The following RC3H1 variants were observed in gnomAD, a reference collection of about 807,000 sequenced individuals.
RC3H1 encodes roquin-1.
Under a neutral mutation model 138.2 loss-of-function variants are expected in RC3H1, and 50 were observed. The ratio of observed to expected loss-of-function variants is 0.36; its 90% CI spans 0.29 to 0.46. The LOEUF (loss-of-function observed/expected upper bound fraction) is 0.46. RC3H1 is among the 20% of genes least tolerant of loss of function. RC3H1 has a pLI of 1.00. For synonymous variants in RC3H1, 462 were observed against 489.1 expected (o/e 0.94, Z 0.73); for missense variants, 1,031 against 1,388.1 (o/e 0.74, Z 4.09).
chr1:173,972,122 G>C (rs1660383112), intron 8 of RC3H1, among the ~76,000 whole-genome samples: 1 of 152,102 alleles, frequency 6.6e-6, no homozygotes, highest in South Asian at 2.1e-4. Flanking sequence ...GAAAGACACA[G>C]TATTAGCACT....
chr1:174,001,220 A>T (rs756617592), intron 1 of RC3H1, among the ~76,000 whole-genome samples: 2 of 152,180 alleles, frequency 1.3e-5, no homozygotes, highest in Non-Finnish European at 2.9e-5. Flanking sequence ...GATTGAGGAG[A>T]AGTAGTAAGA....
Position 173,943,436 on chromosome 1 carries a change from A to C in RC3H1, c.3135+6T>G, listed in dbSNP as rs1658994983. On this transcript the variant is annotated splice_donor_region_variant and intron_variant, in intron 18 of 19. Transcript: ENST00000367696. The stretch of plus-strand genomic sequence containing the variant: ...CTTCCCTCTCTTTCCCCACCATAAC[A>C]CTCACCATACTCAGTTCCCGTGTTC... 6.2e-7 allele frequency: 1 copy of C among 1,608,438 alleles called. No individual in the cohort carries two copies. Among genetic ancestry groups the C allele is most frequent in the Non-Finnish European group, 8.5e-7 (1 of 1,176,902 alleles).
At chr1:173,988,450 G>C (rs542465223) in intron 2 of RC3H1, among the ~76,000 whole-genome samples, 46 of 152,226 alleles carry the variant, frequency 3.0e-4, no homozygotes, top group Non-Finnish European at 5.9e-4. Flanking sequence ...ATGTGCCATT[G>C]TATGGATATA....
At chr1:173,948,918 A>G (rs1451286369) in intron 14 of RC3H1, among the ~76,000 whole-genome samples, 1 of 152,028 alleles carries the variant, frequency 6.6e-6, no homozygotes, top group African/African-American at 2.4e-5. Context: ...ATTTAAGAAA[A>G]TGAGTTTTAT....
chr1:173,961,870 A>C lies in RC3H1; in HGVS notation c.2057T>G (p.Ile686Arg), dbSNP rs1659896184. 1 of 1,613,964 alleles carries C rather than the reference A, an allele frequency of 6.2e-7. No individual in the cohort carries two copies. The highest frequency in any genetic ancestry group is 1.7e-5 in the Admixed American group (1 of 59,990). ...AATGGGTATAGGGCTTTCTCGGAAT[A>C]TCTCTTCTCTTGTGTAAGACGGAGC... ...YPAPSYTREE[I>R]FRESPIPIEI... Residue 686 changes from isoleucine to arginine, a missense_variant, in exon 12 of 20, where the codon ATA becomes AGA. Physicochemically the swap from Ile to Arg is moderately conservative, Grantham distance 97. Coordinates refer to ENST00000367696, the MANE Select transcript of RC3H1 (RefSeq NM_172071.4).
At chr1:174,002,926 A>G (rs1324495060) in intron 1 of RC3H1, among the ~76,000 whole-genome samples, 1 of 152,100 alleles carries the variant, frequency 6.6e-6, no homozygotes, top group African/African-American at 2.4e-5. Context: ...TCAACTACCA[A>G]CTAGATCCTG....
At chr1:173,985,559 A>C (rs951589277) in intron 2 of RC3H1, among the ~76,000 whole-genome samples, 3 of 140,128 alleles carry the variant, frequency 2.1e-5, no homozygotes, top group African/African-American at 8.4e-5. Context: ...GCATATACTT[A>C]TGGGGTACAA....
Position 173,936,801 on chromosome 1 carries a change from A to T in RC3H1, c.*1920T>A, listed in dbSNP as rs1658622082. On this transcript the variant is annotated 3_prime_UTR_variant, in exon 20 of 20. Coordinates refer to ENST00000367696, the MANE Select transcript of RC3H1 (RefSeq NM_172071.4). ...TTTAAAAAAAGAAGACAAATGTATA[A>T]GAAAACTGGAAAAAAAAAAAGCCTC... The T allele has an allele frequency of 7.0e-6, 1 of 143,416 alleles. No individual in the cohort carries two copies. The highest frequency in any genetic ancestry group is 2.5e-5 in the African/African-American group (1 of 39,986). 8.9% of individuals were successfully genotyped at this position (143,416 alleles called of 1,614,324 possible). A position where few individuals can be genotyped will look rare whatever the true frequency, so the allele number is the denominator to read the frequency against.
At chr1:173,957,311 G>A (rs1228182219) in intron 13 of RC3H1, among the ~76,000 whole-genome samples, 1 of 152,070 alleles carries the variant, frequency 6.6e-6, no homozygotes, top group African/African-American at 2.4e-5. Context: ...GCTTTATTAT[G>A]TTTGATTTAT....
intron 2 of RC3H1, among the ~76,000 whole-genome samples, chr1:173,988,187 G>T (rs902472421): frequency 7.2e-5 from 11 of 152,090 alleles, no homozygotes; most frequent in Non-Finnish European, 1.3e-4. Context: ...GAATCATAAA[G>T]AACTGTTTTA....
intron 1 of RC3H1, among the ~76,000 whole-genome samples, chr1:174,019,156 A>C (rs1192418196): frequency 6.6e-6 from 1 of 152,246 alleles, no homozygotes; most frequent in South Asian, 2.1e-4. Context: ...TCCTATGTAA[A>C]CAGTATGAGT....
intron 1 of RC3H1, among the ~76,000 whole-genome samples, chr1:173,999,221 T>G (rs546052551): frequency 6.6e-6 from 1 of 152,064 alleles, no homozygotes; most frequent in South Asian, 2.1e-4. Context: ...AAACCCTGTC[T>G]CTACTAAAAA....
intron 14 of RC3H1, among the ~76,000 whole-genome samples, chr1:173,950,420 C>CAAAAAAAAAAAAAAAAAAAAAAAAAAA (rs60259705): frequency 6.3e-5 from 4 of 63,658 alleles, no homozygotes; most frequent in African/African-American, 1.4e-4. Context: ...TCATCTCTAC[C>CAAAAAAAAAAAAAAAAAAAAAAAAAAA]AAAAAAAAAA....
intron 9 of RC3H1, 40 bp downstream of exon 9, chr1:173,970,465 C>T (rs765580540): frequency 1.9e-5 from 25 of 1,330,282 alleles, no homozygotes; most frequent in South Asian, 3.5e-5. Context: ...AATTATTCCA[C>T]TTACACCTTA....
chr1:173,963,858 G>T, intron 11 of RC3H1, 115 bp downstream of exon 11: 5 of 750,134 alleles, frequency 6.7e-6, no homozygotes, highest in Admixed American at 2.8e-5. Flanking sequence ...ATTAAAAAAT[G>T]CATTTATACA....
At chr1:174,014,073 T>C (rs1210531835) in intron 1 of RC3H1, among the ~76,000 whole-genome samples, 1 of 152,082 alleles carries the variant, frequency 6.6e-6, no homozygotes, top group Non-Finnish European at 1.5e-5. Context: ...GAGGCAGAGA[T>C]GAGTAAGTGG....
At chr1:173,980,495 T>A (rs1411181540) in intron 6 of RC3H1, among the ~76,000 whole-genome samples, 1 of 147,808 alleles carries the variant, frequency 6.8e-6, no homozygotes. Context: ...TGTTCATTAT[T>A]TTTTTTTTAG....
At chr1:174,017,796 A>C (rs1278500340) in intron 1 of RC3H1, among the ~76,000 whole-genome samples, 2 of 149,280 alleles carry the variant, frequency 1.3e-5, no homozygotes, top group African/African-American at 2.5e-5. Context: ...AAAAAAAAAA[A>C]AAAAAAAAAA....
chr1:174,011,567 T>C (rs1199879594), intron 1 of RC3H1, among the ~76,000 whole-genome samples: 2 of 152,108 alleles, frequency 1.3e-5, no homozygotes, highest in South Asian at 2.1e-4. Flanking sequence ...AAATGGACTT[T>C]TGAGCCAGTG....
Sources: allele counts gnomAD v4.1 joint callset (sites outside exome capture counted in the v4.1 genomes callset), GRCh38; gene constraint gnomAD v4.1.1; transcripts MANE v1.5; gene names NCBI Gene and HGNC (gene_info 2026-07-23, HGNC 2026-07-21).